Variants in DTD1 observed in about 807,000 individuals in gnomAD.
DTD1 encodes D-aminoacyl-tRNA deacylase 1, also known as D-tyrosyl-tRNA deacylase 1 homolog.
A neutral mutation model predicts 25.6 loss-of-function variants in DTD1; 13 were observed. The observed-to-expected ratio is 0.51, with a 90% CI of 0.33 to 0.81. The LOEUF is 0.81. Ranked by LOEUF, DTD1 falls within the 30% of genes least tolerant of loss-of-function variation. DTD1 has a pLI of 0.02. For synonymous variants in DTD1, 110 were observed against 103.6 expected, an observed-to-expected ratio of 1.06 and a Z score of -0.37; for missense variants, 193 against 266.4, an observed-to-expected ratio of 0.72 and a Z score of 1.92.
intron 4 of DTD1, among the ~76,000 whole-genome samples, chr20:18,708,957 A>G (rs935433764): frequency 3.3e-5 from 5 of 152,316 alleles, no homozygotes; most frequent in East Asian, 1.9e-4. Context: ...ATACAGCTTC[A>G]AGACTGGACT....
At chr20:18,660,705 A>T (rs1424517084) in intron 4 of DTD1, among the ~76,000 whole-genome samples, 1 of 152,194 alleles carries the variant, frequency 6.6e-6, no homozygotes, top group Non-Finnish European at 1.5e-5. Flanking sequence ...AATCCAGGGG[A>T]TATATTTTGA....
intron 4 of DTD1, among the ~76,000 whole-genome samples, chr20:18,629,691 CAG>C (rs1471145548): frequency 1.3e-5 from 2 of 151,758 alleles, no homozygotes; most frequent in Non-Finnish European, 2.9e-5. Context: ...ATACCTGAGA[CAG>C]GGTAATTTAT....
At chr20:18,614,811 C>CTCCCTTCCTCCT (rs1292684064) in intron 3 of DTD1, among the ~76,000 whole-genome samples, 1 of 152,032 alleles carries the variant, frequency 6.6e-6, no homozygotes, top group Admixed American at 6.5e-5. Context: ...CCCTCCCTCT[C>CTCCCTTCCTCCT]TCCCTTCCTC....
At position 18,727,525 on chromosome 20, in the gene DTD1, G is replaced by T. The variant is rs149560571; in HGVS notation, c.478-16575G>T. On this transcript the variant is annotated intron_variant, in intron 4 of 5. Coordinates refer to ENST00000377452, the MANE Select transcript of DTD1 (RefSeq NM_080820.6). Reference sequence around the variant, plus strand: ...GGGCGGCCCTGGAAGGGATCTGGGTGGGGAGAGACGTTATTCTGTAATGAG... The same window carrying T: ...GGGCGGCCCTGGAAGGGATCTGGGTTGGGAGAGACGTTATTCTGTAATGAG... Among the ~76,000 whole-genome samples the T allele has an allele frequency of 5.9e-5, 9 of 152,296 alleles. No homozygotes were observed. The East Asian group carries it at 1.7e-3, about 29-fold the overall frequency.
At chr20:18,617,861 G>A (rs2122290602) in intron 3 of DTD1, among the ~76,000 whole-genome samples, 1 of 152,132 alleles carries the variant, frequency 6.6e-6, no homozygotes, top group South Asian at 2.1e-4. Flanking sequence ...TTTCATACCA[G>A]TTCATAGAGA....
intron 4 of DTD1, among the ~76,000 whole-genome samples, chr20:18,684,969 A>G (rs12151906): frequency 0.31 from 47,182 of 151,602 alleles, 8,140 homozygotes; most frequent in East Asian, 0.43. Context: ...TGCAATGATC[A>G]TAGTTCACTG....
intron 5 of DTD1, among the ~76,000 whole-genome samples, chr20:18,756,888 C>CAA (rs2061341704): frequency 2.0e-5 from 3 of 151,176 alleles, no homozygotes; most frequent in Non-Finnish European, 4.4e-5. Context: ...AATATTGATT[C>CAA]TTCCTACCCA....
At chr20:18,634,031 G>A (rs1183860872) in intron 4 of DTD1, among the ~76,000 whole-genome samples, 1 of 152,246 alleles carries the variant, frequency 6.6e-6, no homozygotes, top group African/African-American at 2.4e-5. Flanking sequence ...GGACATGGAA[G>A]CAGCAGCAGA....
At chr20:18,737,116 G>A (rs1274564411) in intron 4 of DTD1, among the ~76,000 whole-genome samples, 6 of 152,240 alleles carry the variant, frequency 3.9e-5, no homozygotes, top group South Asian at 4.2e-4. Context: ...CCCCTCATTC[G>A]GCCCTTCCCT....
chr20:18,667,633 C>T (rs1439249636), intron 4 of DTD1, among the ~76,000 whole-genome samples: 1 of 151,964 alleles, frequency 6.6e-6, no homozygotes, highest in Non-Finnish European at 1.5e-5. Flanking sequence ...TCTTCCTTGC[C>T]CTGCCACACG....
Position 18,588,116 on chromosome 20 carries a change from G to C in DTD1, c.43+1G>C. On this transcript the variant is annotated splice_donor_variant, in intron 1 of 5. Coordinates refer to ENST00000377452, the MANE Select transcript of DTD1 (RefSeq NM_080820.6). LOFTEE classifies it high-confidence loss of function. ...CGCGTCACCCGGGCCAGCGTCACAG[G>C]TCAGTCGGGCGGGGCCGGGCCCGGG... 1 of 1,295,436 alleles carries C rather than the reference G, an allele frequency of 7.7e-7. No homozygotes were observed. The highest frequency in any genetic ancestry group is 9.8e-7 in the Non-Finnish European group (1 of 1,023,878). 80.2% of individuals were successfully genotyped at this position (1,295,436 alleles called of 1,614,324 possible).
At chr20:18,634,615 C>G (rs565500351) in intron 4 of DTD1, among the ~76,000 whole-genome samples, 4 of 152,324 alleles carry the variant, frequency 2.6e-5, no homozygotes, top group Admixed American at 1.3e-4. Flanking sequence ...ATAATTTTCT[C>G]TGTATACTTG....
intron 4 of DTD1, among the ~76,000 whole-genome samples, chr20:18,731,016 T>C (rs1366911471): frequency 2.0e-5 from 3 of 152,232 alleles, no homozygotes; most frequent in African/African-American, 7.2e-5. Flanking sequence ...TTTGTCAGTG[T>C]CTTAGCGTCC....
chr20:18,606,890 C>CA (rs993951285), intron 3 of DTD1, among the ~76,000 whole-genome samples: 2 of 150,104 alleles, frequency 1.3e-5, no homozygotes, highest in Non-Finnish European at 3.0e-5. Context: ...AACTAACCTG[C>CA]ACAATGTGCA....
chr20:18,672,969 G>C (rs896195303), intron 4 of DTD1, among the ~76,000 whole-genome samples: 1 of 152,196 alleles, frequency 6.6e-6, no homozygotes, highest in Admixed American at 6.6e-5. Flanking sequence ...TCGTCCAGCT[G>C]GGTTCTGCTT....
At chr20:18,606,783 G>C (rs1165631298) in intron 3 of DTD1, among the ~76,000 whole-genome samples, 2 of 129,878 alleles carry the variant, frequency 1.5e-5, no homozygotes, top group Non-Finnish European at 1.6e-5. Context: ...TGTGGTGGGG[G>C]GGGGGAGGGG....
intron 5 of DTD1, among the ~76,000 whole-genome samples, chr20:18,754,643 G>T (rs1277309424): frequency 6.6e-6 from 1 of 152,232 alleles, no homozygotes; most frequent in African/African-American, 2.4e-5. Context: ...CTCACAGATA[G>T]CTCACTCCCA....
At chr20:18,702,744 C>CA (rs10583250) in intron 4 of DTD1, among the ~76,000 whole-genome samples, 32,481 of 122,480 alleles carry the variant, frequency 0.27, 4,473 homozygotes, top group East Asian at 0.52. Context: ...TGGAATGAGG[C>CA]AAAAAAAAAA....
chr20:18,670,533 A>G (rs1467029355), intron 4 of DTD1, among the ~76,000 whole-genome samples: 1 of 152,218 alleles, frequency 6.6e-6, no homozygotes, highest in Non-Finnish European at 1.5e-5. Flanking sequence ...TTAAATTATC[A>G]ACTTCTTAAG....
Sources: allele counts gnomAD v4.1 joint callset (sites outside exome capture counted in the v4.1 genomes callset), GRCh38; gene constraint gnomAD v4.1.1; transcripts MANE v1.5; gene names NCBI Gene and HGNC (gene_info 2026-07-23, HGNC 2026-07-21).